The following CSMD2 variants were observed in gnomAD, a reference collection of about 807,000 sequenced individuals.
CSMD2 encodes the protein CUB and sushi domain-containing protein 2.
Under a neutral mutation model 398.5 loss-of-function variants are expected in CSMD2, and 130 were observed. The observed-to-expected ratio is 0.33, with a 90% CI of 0.28 to 0.38. The LOEUF (loss-of-function observed/expected upper bound fraction) is 0.38. Ranked by LOEUF, CSMD2 falls within the 10% of genes least tolerant of loss-of-function variation. CSMD2 has a pLI of 1.00. For synonymous variants in CSMD2, 1,828 were observed against 1,908.5 expected (o/e 0.96, Z 1.10); for missense variants, 3,829 against 4,764.9 (o/e 0.80, Z 5.78).
At position 33,661,843 on chromosome 1, in the gene CSMD2, T is replaced by A. The variant is rs921657780; in HGVS notation, c.4255+1047A>T. Reference sequence around the variant, plus strand: ...GGGATATACCCCAACCACCCTTAGCTGATACACCAACTGGGAAAGAGCTCG... The same window carrying A: ...GGGATATACCCCAACCACCCTTAGCAGATACACCAACTGGGAAAGAGCTCG... On this transcript the variant is annotated intron_variant, in intron 26 of 70. Coordinates refer to ENST00000373381, the MANE Select transcript of CSMD2 (RefSeq NM_001281956.2). Among the ~76,000 whole-genome samples the A allele has an allele frequency of 1.1e-4, 16 of 152,158 alleles. No homozygotes were observed. The South Asian group carries it at 1.2e-3, about 12-fold the overall frequency.
At chr1:33,714,242 G>A (rs1189861022) in intron 21 of CSMD2, among the ~76,000 whole-genome samples, 12 of 152,172 alleles carry the variant, frequency 7.9e-5, no homozygotes, top group Non-Finnish European at 1.2e-4. Context: ...CAGATTCCTC[G>A]GTAAGAGGCA....
Position 33,617,614 on chromosome 1 carries a change from A to G in CSMD2, c.5831T>C (p.Val1944Ala). 6.2e-7 allele frequency: 1 copy of G among 1,612,754 alleles called. No homozygotes were observed. The highest frequency in any genetic ancestry group is 8.5e-7 in the Non-Finnish European group (1 of 1,178,754). ...AGGTTCCGGACAACTGCTCAGGCCC[A>G]CCGCTAGACAAGACAGAGACAGAAG... The part of the protein sequence containing the change: ...AAGFHLEYKT[V>A]GLSSCPEPAV... Residue 1944 changes from valine (V) to alanine (A), a missense_variant, in exon 38 of 71, where the codon GTG becomes GCG. Transcript: ENST00000373381.
At chr1:34,111,055 T>C (rs1661031615) in intron 1 of CSMD2, among the ~76,000 whole-genome samples, 1 of 152,226 alleles carries the variant, frequency 6.6e-6, no homozygotes, top group African/African-American at 2.4e-5. Flanking sequence ...TTGTACTTAC[T>C]GTTTATTGTT....
At chr1:33,584,245 C>T (rs1209817275) in intron 46 of CSMD2, among the ~76,000 whole-genome samples, 2 of 152,220 alleles carry the variant, frequency 1.3e-5, no homozygotes, top group African/African-American at 4.8e-5. Flanking sequence ...TCAAATACAC[C>T]TGGATTCATA....
rs768800157 is a variant in CSMD2, at chr1:33,537,147, GCC to G, written c.9806-54_9806-53del. The G allele has an allele frequency of 6.3e-7, 1 of 1,577,278 alleles. No individual in the cohort carries two copies. Among genetic ancestry groups the G allele is most frequent in the African/African-American group, 1.3e-5 (1 of 74,180 alleles). The stretch of plus-strand genomic sequence containing the variant: ...TCACATGGTCATGGAAGCCTTCACG[GCC>G]TCATCTCACTCTGGGAAATAGGTGT... On this transcript the variant is annotated intron_variant, in intron 61 of 70. Coordinates refer to ENST00000373381, the MANE Select transcript of CSMD2 (RefSeq NM_001281956.2). This position sits in a 1 kb window ranked among gnomAD's most constrained non-coding sequence, Gnocchi z 4.6.
intron 4 of CSMD2, among the ~76,000 whole-genome samples, chr1:33,927,410 T>C (rs191599563): frequency 3.0e-4 from 45 of 152,310 alleles, no homozygotes; most frequent in Middle Eastern, 3.4e-3. Context: ...TTTGATTACA[T>C]GACACTCCTT....
At chr1:34,064,475 A>G (rs1372182726) in intron 2 of CSMD2, among the ~76,000 whole-genome samples, 2 of 152,082 alleles carry the variant, frequency 1.3e-5, no homozygotes, top group East Asian at 3.9e-4. Context: ...TCTTTACTAA[A>G]ACATAACAAG....
intron 27 of CSMD2, among the ~76,000 whole-genome samples, chr1:33,653,090 C>T (rs1643851223): frequency 6.6e-6 from 1 of 152,200 alleles, no homozygotes. Context: ...CCTGACCCTG[C>T]TACTTCCTAG....
In CSMD2 at chr1:33,614,578, A is replaced by G; in HGVS notation, c.6059T>C (p.Leu2020Pro). 6.2e-7 allele frequency: 1 copy of G among 1,613,084 alleles called. No individual in the cohort carries two copies. The highest frequency in any genetic ancestry group is 8.5e-7 in the Non-Finnish European group (1 of 1,179,092). ...GTAGTTGCCTGGGAAGCCGGGGCTC[A>G]GGATCACCCCCTCCATCTCCTCCAC... Reference protein sequence around the residue: ...GTVEEMEGVILSPGFPGNYPS... With the variant: ...GTVEEMEGVIPSPGFPGNYPS... The change falls in exon 40 of 71, where the codon CTG (leucine) becomes CCG (proline). Residue 2020 changes from leucine (L) to proline (P), a missense_variant. Around this residue, in one of 5 missense-constraint regions of CSMD2, gnomAD observed 2,001 missense variants for 2,567.1 expected, o/e 0.78. Coordinates refer to ENST00000373381, the MANE Select transcript of CSMD2 (RefSeq NM_001281956.2).
intron 9 of CSMD2, among the ~76,000 whole-genome samples, chr1:33,812,304 G>A (rs764698085): frequency 2.6e-5 from 4 of 152,178 alleles, no homozygotes; most frequent in Non-Finnish European, 5.9e-5. Flanking sequence ...AGGGGCTTTT[G>A]GGACAGGTCT....
chr1:34,094,595 C>A (rs1384361044), intron 1 of CSMD2, among the ~76,000 whole-genome samples: 5 of 152,058 alleles, frequency 3.3e-5, no homozygotes, highest in Admixed American at 6.6e-5. Flanking sequence ...CAAAAAAAGG[C>A]AGGGGTTGCA....
intron 1 of CSMD2, among the ~76,000 whole-genome samples, chr1:34,127,261 T>G (rs1662847025): frequency 6.6e-6 from 1 of 152,148 alleles, no homozygotes; most frequent in South Asian, 2.1e-4. Flanking sequence ...GGAACTTAGC[T>G]TTAAATGGCA....
rs777351758 is a variant in CSMD2, at chr1:33,569,437, C to T, written c.8068G>A (p.Gly2690Ser). The change falls in exon 52 of 71, where the codon GGC (glycine) becomes AGC (serine). Residue 2690 changes from glycine (G) to serine (S), a missense_variant. By Grantham distance (56) the Gly-to-Ser change is moderately conservative. Coordinates refer to ENST00000373381, the MANE Select transcript of CSMD2 (RefSeq NM_001281956.2). ...FSCNSGYTLV[G>S]SRVRECMANG... is the part of the protein sequence containing the mutation. ...GCCATGCACTCACGCACCCTGGAGCCCACCAGTGTGTATCCGGAATTGCAG... is the reference window on the plus strand; with the variant it reads ...GCCATGCACTCACGCACCCTGGAGCTCACCAGTGTGTATCCGGAATTGCAG... 5.0e-6 allele frequency: 8 copies of T among 1,614,010 alleles called. No individual in the cohort carries two copies. The highest frequency in any genetic ancestry group is 6.8e-6 in the Non-Finnish European group (8 of 1,180,040).
At chr1:33,782,407 T>C (rs1401091058) in intron 12 of CSMD2, among the ~76,000 whole-genome samples, 1 of 152,180 alleles carries the variant, frequency 6.6e-6, no homozygotes, top group Non-Finnish European at 1.5e-5. Flanking sequence ...TGCTTGACTA[T>C]ACTGAGTCCT....
chr1:33,727,453 T>C (rs1159986155), intron 15 of CSMD2, among the ~76,000 whole-genome samples: 1 of 152,176 alleles, frequency 6.6e-6, no homozygotes, highest in Non-Finnish European at 1.5e-5. Flanking sequence ...CCTCAGCCCC[T>C]AAGGTAGTCA....
chr1:34,080,238 GT>G (rs1328957282), intron 2 of CSMD2, among the ~76,000 whole-genome samples: 2 of 151,190 alleles, frequency 1.3e-5, no homozygotes, highest in Admixed American at 6.6e-5. Context: ...AAATATGAAT[GT>G]GCTGAAGAGT....
At chr1:33,795,223 T>A (rs1273757215) in intron 10 of CSMD2, among the ~76,000 whole-genome samples, 1 of 152,112 alleles carries the variant, frequency 6.6e-6, no homozygotes, top group Non-Finnish European at 1.5e-5. Flanking sequence ...CCTGTAGCAA[T>A]CAGTGTTTGG....
At chr1:33,742,576 TG>T (rs1647107537) in intron 14 of CSMD2, among the ~76,000 whole-genome samples, 1 of 91,564 alleles carries the variant, frequency 1.1e-5, no homozygotes, top group Non-Finnish European at 2.0e-5. Flanking sequence ...ACCAAGCTTC[TG>T]CCCCCCCCCC....
chr1:34,047,497 T>C (rs541429677), intron 2 of CSMD2, among the ~76,000 whole-genome samples: 145 of 152,316 alleles, frequency 9.5e-4, no homozygotes, highest in African/African-American at 3.3e-3. Flanking sequence ...TCTGACTTCC[T>C]ATATATTTGA....
Sources: gnomAD v4.1 joint callset for allele counts (sites outside exome capture counted in the v4.1 genomes callset) on GRCh38, gnomAD v4.1.1 for gene constraint, gnomAD v4.1.1 regional missense constraint, Gnocchi (gnomAD v3.1) non-coding constraint, MANE v1.5 for transcripts, NCBI Gene and HGNC (gene_info 2026-07-23, HGNC 2026-07-21) for gene names.